The following FAM210A variants were observed in gnomAD, a reference collection of about 807,000 sequenced individuals.
The protein encoded by FAM210A is mitochondrial inner membrane scaffold 1.
Under a neutral mutation model 25.3 loss-of-function variants are expected in FAM210A, and 13 were observed. The observed-to-expected ratio is 0.51, with a 90% CI of 0.33 to 0.82. The LOEUF is 0.82. Ranked by LOEUF, FAM210A falls within the 40% of genes least tolerant of loss-of-function variation. The pLI is 0.02. For missense variants in FAM210A, 319 were observed against 323.2 expected (o/e 0.99, Z 0.10); for synonymous variants, 125 against 118.7 (o/e 1.05, Z -0.35).
chr18:13,681,952 T>C lies in FAM210A; in HGVS notation c.126A>G (p.Glu42=), dbSNP rs201619883. 1 of 1,614,142 alleles carries C rather than the reference T, an allele frequency of 6.2e-7. No individual in the cohort carries two copies. Among genetic ancestry groups the C allele is most frequent in the Non-Finnish European group, 8.5e-7 (1 of 1,180,024 alleles). ...GGCCTTGTACCAAAACCACTTTGGA[T>C]TCAGCATTGTATAAAAGTAAAGGTC... ...VKGPLLLYNA[E]SKVVLVQGPQ... Residue 42 remains glutamate (E), a synonymous_variant, in exon 2 of 4, where the codon GAA becomes GAG. Transcript: ENST00000651643.
At chr18:13,700,921 T>C (rs1299863308) in intron 1 of FAM210A, among the ~76,000 whole-genome samples, 3 of 152,216 alleles carry the variant, frequency 2.0e-5, no homozygotes, top group Non-Finnish European at 4.4e-5. Flanking sequence ...TTTCTATACG[T>C]TGCTTCTGAT....
At chr18:13,714,727 T>C (rs1247021021) in intron 1 of FAM210A, among the ~76,000 whole-genome samples, 1 of 152,206 alleles carries the variant, frequency 6.6e-6, no homozygotes, top group African/African-American at 2.4e-5. Flanking sequence ...GTATTACATG[T>C]AATTTTGCAT....
chr18:13,689,860 G>A (rs1394685390), intron 1 of FAM210A, among the ~76,000 whole-genome samples: 2 of 152,172 alleles, frequency 1.3e-5, no homozygotes, highest in East Asian at 1.9e-4. Context: ...CATGAGTGAC[G>A]CAGAAGACGG....
intron 1 of FAM210A, among the ~76,000 whole-genome samples, chr18:13,719,178 G>C (rs1462770669): frequency 6.6e-6 from 1 of 152,092 alleles, no homozygotes. Context: ...ACCCATCACT[G>C]TTTATCTAAT....
intron 1 of FAM210A, chr18:13,710,551 G>A (rs534518336): frequency 6.6e-6 from 1 of 152,314 alleles, no homozygotes; most frequent in South Asian, 2.1e-4. Context: ...CACGGGGCCA[G>A]CGGTCACAAG....
intron 2 of FAM210A, among the ~76,000 whole-genome samples, chr18:13,677,280 T>A (rs2043512940): frequency 6.6e-6 from 1 of 152,100 alleles, no homozygotes; most frequent in African/African-American, 2.4e-5. Flanking sequence ...TTCACCATGT[T>A]AGCCAGGATG....
At chr18:13,697,389 A>G (rs749283765) in intron 1 of FAM210A, among the ~76,000 whole-genome samples, 1 of 152,200 alleles carries the variant, frequency 6.6e-6, no homozygotes, top group Non-Finnish European at 1.5e-5. Flanking sequence ...CTACAAACTT[A>G]TTACAATGCC....
chr18:13,688,790 A>C (rs969722105), intron 1 of FAM210A, among the ~76,000 whole-genome samples: 1 of 152,150 alleles, frequency 6.6e-6, no homozygotes, highest in Admixed American at 6.5e-5. Context: ...GGTTGCAGGC[A>C]CCCCCACCTA....
At chr18:13,695,822 G>A (rs1017005236) in intron 1 of FAM210A, among the ~76,000 whole-genome samples, 13 of 151,706 alleles carry the variant, frequency 8.6e-5, no homozygotes, top group African/African-American at 2.7e-4. Context: ...GTAACAAACC[G>A]GCACGTTGTG....
chr18:13,703,026 T>C (rs1274053060), intron 1 of FAM210A, among the ~76,000 whole-genome samples: 4 of 152,192 alleles, frequency 2.6e-5, no homozygotes, highest in Non-Finnish European at 4.4e-5. Context: ...ATGGGACCCC[T>C]TGGGAAAAAC....
intron 1 of FAM210A, among the ~76,000 whole-genome samples, chr18:13,707,939 G>A (rs1421882657): frequency 4.0e-5 from 6 of 151,742 alleles, no homozygotes; most frequent in African/African-American, 9.7e-5. Flanking sequence ...ACATGGCTGC[G>A]CAGGAGTCTC....
chr18:13,670,230 T>C (rs1026344263), intron 3 of FAM210A, among the ~76,000 whole-genome samples: 4 of 152,204 alleles, frequency 2.6e-5, no homozygotes, highest in Non-Finnish European at 5.9e-5. Flanking sequence ...TCAACTGTCA[T>C]GCTATGGGAG....
chr18:13,677,268 G>T (rs1321209572), intron 2 of FAM210A, among the ~76,000 whole-genome samples: 2 of 152,194 alleles, frequency 1.3e-5, no homozygotes, highest in East Asian at 3.9e-4. Flanking sequence ...TAGAGACAGG[G>T]TTTCACCATG....
At chr18:13,708,655 T>C (rs1176065742) in intron 1 of FAM210A, among the ~76,000 whole-genome samples, 1 of 152,206 alleles carries the variant, frequency 6.6e-6, no homozygotes, top group Non-Finnish European at 1.5e-5. Flanking sequence ...TATTATACTA[T>C]ACCTAGCTTC....
intron 1 of FAM210A, among the ~76,000 whole-genome samples, chr18:13,707,504 G>A (rs976640267): frequency 1.3e-5 from 2 of 152,212 alleles, no homozygotes; most frequent in Non-Finnish European, 2.9e-5. Flanking sequence ...CAGTTCTACT[G>A]TTTCCCAGTG....
At chr18:13,677,607 G>A (rs1372671276) in intron 2 of FAM210A, among the ~76,000 whole-genome samples, 3 of 152,140 alleles carry the variant, frequency 2.0e-5, no homozygotes, top group Admixed American at 6.5e-5. Flanking sequence ...AGGGTGTGGC[G>A]CCGGGCTGTC....
intron 2 of FAM210A, among the ~76,000 whole-genome samples, chr18:13,681,386 G>C (rs1040523853): frequency 1.3e-5 from 2 of 152,096 alleles, no homozygotes; most frequent in Non-Finnish European, 2.9e-5. Flanking sequence ...ATGGTTGCTG[G>C]GAGGATTAAA....
At chr18:13,712,554 G>A (rs1258202574) in intron 1 of FAM210A, among the ~76,000 whole-genome samples, 1 of 152,140 alleles carries the variant, frequency 6.6e-6, no homozygotes, top group Non-Finnish European at 1.5e-5. Flanking sequence ...TGAGGGCAGA[G>A]CATTCCTGAA....
At chr18:13,724,357 T>A (rs2043917994) in intron 1 of FAM210A, among the ~76,000 whole-genome samples, 1 of 152,160 alleles carries the variant, frequency 6.6e-6, no homozygotes, top group African/African-American at 2.4e-5. Context: ...TCCCACTACT[T>A]AACAAGCTGC....
Sources: gnomAD v4.1 joint callset for allele counts (sites outside exome capture counted in the v4.1 genomes callset) on GRCh38, gnomAD v4.1.1 for gene constraint, MANE v1.5 for transcripts, NCBI Gene and HGNC (gene_info 2026-07-23, HGNC 2026-07-21) for gene names.